Variants in TRIM43B observed in about 807,000 individuals in gnomAD.
TRIM43B encodes the protein tripartite motif-containing protein 43B.
TRIM43B carries 15 observed loss-of-function variants against 27.0 expected under a neutral mutation model. That is an observed-to-expected ratio of 0.55 (90% CI 0.37 to 0.85). The LOEUF is 0.85. Ranked by LOEUF, TRIM43B falls within the 40% of genes least tolerant of loss-of-function variation. TRIM43B has a pLI of 0.00. For missense variants in TRIM43B, 172 were observed against 289.8 expected (o/e 0.59, Z 2.95); for synonymous variants, 69 against 97.8 (o/e 0.71, Z 1.74).
exon 2 of TRIM43B, chr2:95,482,674 G>A (rs199943409): frequency 6.2e-7 from 1 of 1,613,838 alleles, no homozygotes; most frequent in Non-Finnish European, 8.5e-7. Flanking sequence ...GATGACACAG[G>A]TGAGTTCCTT....
Position 95,483,522 on chromosome 2 carries a change from ATAACAGGCAC to A in TRIM43B, c.-4-814_-4-805del, listed in dbSNP as rs1207088952. ...TCAGGAAAAGAGTAAGTATCATGCA[ATAACAGGCAC>A]TAGAGGCCGGGCACGGTGGCTGACG... On this transcript the variant is annotated intron_variant, in intron 1 of 6. Coordinates refer to ENST00000639673, the Ensembl canonical transcript of TRIM43B. Among the ~76,000 whole-genome samples, 12 of 152,084 alleles carry A rather than the reference ATAACAGGCAC, an allele frequency of 7.9e-5. No homozygotes were observed. The South Asian group carries it at 2.1e-3, about 26-fold the overall frequency.
intron 3 of TRIM43B, among the ~76,000 whole-genome samples, 175 bp from the exon 4 acceptor site, chr2:95,480,710 C>T (rs1413083099): frequency 6.6e-6 from 1 of 151,632 alleles, no homozygotes; most frequent in Non-Finnish European, 1.5e-5. Flanking sequence ...CAAACACCTG[C>T]AAAAAAGCCC....
At chr2:95,484,284 A>G (rs1683600870) in intron 1 of TRIM43B, among the ~76,000 whole-genome samples, 1 of 151,950 alleles carries the variant, frequency 6.6e-6, no homozygotes. Flanking sequence ...AGGCTGAAGA[A>G]TCGTTTGAAC....
intron 2 of TRIM43B, 131 bp from the exon 3 acceptor site, chr2:95,481,821 C>T (rs1330024229): frequency 5.2e-6 from 4 of 771,894 alleles, no homozygotes; most frequent in East Asian, 5.5e-5. Flanking sequence ...TTTTTCATTG[C>T]TCATCCTTAA....
At chr2:95,481,764 A>G (rs1292677182) in intron 2 of TRIM43B, 74 bp from the exon 3 acceptor site, 42 of 1,494,498 alleles carry the variant, frequency 2.8e-5, no homozygotes, top group Non-Finnish European at 3.5e-5. Flanking sequence ...TAAGCAGGCA[A>G]GGGATCTAAT....
At chr2:95,484,335 A>C (rs906466449) in intron 1 of TRIM43B, among the ~76,000 whole-genome samples, 1 of 151,988 alleles carries the variant, frequency 6.6e-6, no homozygotes, top group African/African-American at 2.4e-5. Context: ...GCGCCGCCGC[A>C]CTCCAGCCTG....
At chr2:95,482,921 T>C (rs1447462554) in intron 1 of TRIM43B, among the ~76,000 whole-genome samples, 1 of 152,118 alleles carries the variant, frequency 6.6e-6, no homozygotes, top group African/African-American at 2.4e-5. Context: ...TGTTCTCCAA[T>C]CAACACATGA....
chr2:95,483,728 G>A (rs1683579908), intron 1 of TRIM43B, among the ~76,000 whole-genome samples: 1 of 151,878 alleles, frequency 6.6e-6, no homozygotes, highest in Admixed American at 6.6e-5. Flanking sequence ...CTCTGGAGGC[G>A]GGGCCTGGAG....
chr2:95,481,375 T>C (rs1027041929), intron 3 of TRIM43B, among the ~76,000 whole-genome samples: 1 of 152,176 alleles, frequency 6.6e-6, no homozygotes, highest in African/African-American at 2.4e-5. Flanking sequence ...TTTAAGCACA[T>C]ACTTGCCCTT....
chr2:95,481,462 G>A, intron 3 of TRIM43B, 133 bp downstream of exon 3: 1 of 661,910 alleles, frequency 1.5e-6, no homozygotes, highest in Non-Finnish European at 2.5e-6. Context: ...TGAACAGTCT[G>A]GTTGTTTTCC....
intron 1 of TRIM43B, among the ~76,000 whole-genome samples, chr2:95,483,231 A>T (rs1683569686): frequency 6.6e-6 from 1 of 152,164 alleles, no homozygotes; most frequent in African/African-American, 2.4e-5. Flanking sequence ...GACCCAAATC[A>T]GAAAAAGCCA....
At position 95,482,225 on chromosome 2, in the gene TRIM43B, C is replaced by T. The variant is rs1018682778; in HGVS notation, c.411+79G>A. 20 of 1,392,214 alleles carry T rather than the reference C, an allele frequency of 1.4e-5. No individual in the cohort carries two copies. The African/African-American group carries it at 2.6e-4, about 18-fold the overall frequency. The allele number at this position is 1,392,214 out of a possible 1,614,324, so 86.2% of individuals were successfully genotyped here. A position where few individuals can be genotyped will look rare whatever the true frequency, so the allele number is the denominator to read the frequency against. On this transcript the variant is annotated intron_variant, in intron 2 of 6. Coordinates refer to ENST00000639673, the Ensembl canonical transcript of TRIM43B. ...CACTCAGTAAAGAATGGAGTAATCA[C>T]CGTGATTCTCATCATCCTTCTAATC...
intron 2 of TRIM43B, 44 bp from the exon 3 acceptor site, chr2:95,481,734 A>T (rs1683528848): frequency 6.3e-7 from 1 of 1,591,354 alleles, no homozygotes; most frequent in African/African-American, 1.3e-5. Context: ...AATACCAAAG[A>T]TTCCACCATC....
At position 95,483,945 on chromosome 2, in the gene TRIM43B, A is replaced by G. The variant is rs1683588363; in HGVS notation, c.-5+661T>C. ...AAAACCAAGCCAGGGAAGGTGACTC[A>G]AGCCTGTAATCCCAGCATTTTGGGA... On this transcript the variant is annotated intron_variant, in intron 1 of 6. Coordinates refer to ENST00000639673, the Ensembl canonical transcript of TRIM43B. Among the ~76,000 whole-genome samples, 5 of 151,946 alleles carry G rather than the reference A, an allele frequency of 3.3e-5. No homozygotes were observed. In the South Asian group the frequency reaches 1.0e-3, roughly 32 times the overall value.
chr2:95,480,489 T>C (rs1683501755), exon 4 of TRIM43B: 1 of 1,607,658 alleles, frequency 6.2e-7, no homozygotes, highest in East Asian at 2.3e-5. Context: ...CGGATGCAGC[T>C]TCCTATACTC....
At chr2:95,483,952 T>TA (rs1683588444) in intron 1 of TRIM43B, among the ~76,000 whole-genome samples, 1 of 151,646 alleles carries the variant, frequency 6.6e-6, no homozygotes, top group South Asian at 2.1e-4. Context: ...CTCAAGCCTG[T>TA]AATCCCAGCA....
intron 1 of TRIM43B, among the ~76,000 whole-genome samples, chr2:95,484,337 T>G (rs1265513142): frequency 6.6e-6 from 1 of 151,984 alleles, no homozygotes; most frequent in African/African-American, 2.4e-5. Flanking sequence ...GCCGCCGCAC[T>G]CCAGCCTGGC....
chr2:95,481,408 C>G (rs1683519728), intron 3 of TRIM43B, among the ~76,000 whole-genome samples, 187 bp downstream of exon 3: 3 of 151,990 alleles, frequency 2.0e-5, no homozygotes, highest in Admixed American at 6.6e-5. Context: ...TTATTTTTTA[C>G]TTATCTGAAA....
At position 95,480,353 on chromosome 2, in the gene TRIM43B, A is replaced by T; in HGVS notation, c.690T>A (p.Tyr230Ter). The change falls in exon 4 of 7, where the codon TAT becomes TAA. Residue 230 changes from tyrosine to a stop codon, truncating the protein, a stop_gained. Transcript: ENST00000639673. LOFTEE classifies it high-confidence loss of function. ...TATGACACATTTCCATTAGTTCCTG[A>T]TACATTTCTTTCAAGTGTTTACTCT... 6.2e-7 allele frequency: 1 copy of T among 1,610,014 alleles called. No homozygotes were observed. The highest frequency in any genetic ancestry group is 1.3e-5 in the African/African-American group (1 of 74,492).
Sources: allele counts gnomAD v4.1 joint callset (sites outside exome capture counted in the v4.1 genomes callset), GRCh38; gene constraint gnomAD v4.1.1; transcripts MANE v1.5; gene names NCBI Gene and HGNC (gene_info 2026-07-23, HGNC 2026-07-21).